Variants in GAB1 observed in about 807,000 individuals in gnomAD.
GAB1 encodes the protein GRB2 associated binding protein 1, also known as GRB2-associated-binding protein 1.
Under a neutral mutation model 66.5 loss-of-function variants are expected in GAB1, and 19 were observed. The observed-to-expected ratio is 0.29, with a 90% CI of 0.20 to 0.42. The LOEUF is 0.42. Ranked by LOEUF, GAB1 falls within the 10% of genes least tolerant of loss-of-function variation. The pLI is 1.00. For synonymous variants in GAB1, 294 were observed against 301.4 expected (o/e 0.98, Z 0.25); for missense variants, 732 against 858.5 (o/e 0.85, Z 1.84).
chr4:143,469,461 G>A lies in GAB1; in HGVS notation c.*272G>A, dbSNP rs1189611358. On this transcript the variant is annotated 3_prime_UTR_variant, in exon 10 of 10. Coordinates refer to ENST00000262994, the MANE Select transcript of GAB1 (RefSeq NM_002039.4). ...CAGTTAACACACTCGTAGTATTACT[G>A]TATTTATGCACTTTTTCATCTAAAA... is the stretch of plus-strand genomic sequence containing the variant. 6.4e-6 allele frequency: 2 copies of A among 312,058 alleles called. No homozygotes were observed. The highest frequency in any genetic ancestry group is 6.1e-6 in the Non-Finnish European group (1 of 163,300). 19.3% of individuals were successfully genotyped at this position (312,058 alleles called of 1,614,324 possible).
intron 6 of GAB1, among the ~76,000 whole-genome samples, chr4:143,441,199 G>T (rs953390041): frequency 6.6e-6 from 1 of 152,146 alleles, no homozygotes; most frequent in Non-Finnish European, 1.5e-5. Flanking sequence ...GCCTACCCAG[G>T]TTTTTTAAAT....
intron 1 of GAB1, among the ~76,000 whole-genome samples, chr4:143,374,013 G>GT (rs1057381750): frequency 8.6e-5 from 13 of 151,520 alleles, no homozygotes; most frequent in African/African-American, 2.9e-4. Context: ...ACTACAGTGG[G>GT]TTTTTTGTCA....
intron 1 of GAB1, among the ~76,000 whole-genome samples, chr4:143,344,663 A>T (rs1728933879): frequency 6.6e-6 from 1 of 152,190 alleles, no homozygotes; most frequent in African/African-American, 2.4e-5. Flanking sequence ...TAAATTGTAG[A>T]TGACAATTTA....
chr4:143,417,875 A>G (rs1732781500), intron 2 of GAB1, among the ~76,000 whole-genome samples: 1 of 152,226 alleles, frequency 6.6e-6, no homozygotes, highest in Non-Finnish European at 1.5e-5. Flanking sequence ...TTGTGGTTAT[A>G]CTCACATTTA....
At chr4:143,386,992 A>T (rs1218872393) in intron 1 of GAB1, among the ~76,000 whole-genome samples, 1 of 152,204 alleles carries the variant, frequency 6.6e-6, no homozygotes, top group Non-Finnish European at 1.5e-5. Context: ...AGCAACTGGT[A>T]GTCTCTGCCA....
chr4:143,363,622 G>A (rs936417430), intron 1 of GAB1, among the ~76,000 whole-genome samples: 2 of 152,122 alleles, frequency 1.3e-5, no homozygotes, highest in Non-Finnish European at 2.9e-5. Context: ...AGTTATGCTC[G>A]CCTCTGTAGT....
chr4:143,412,761 CAT>C (rs780389063), intron 1 of GAB1, among the ~76,000 whole-genome samples: 108 of 152,128 alleles, frequency 7.1e-4, no homozygotes, highest in Non-Finnish European at 1.3e-3. Context: ...TAGGGGAAAA[CAT>C]GTGCAAAGTC....
At chr4:143,460,698 AG>A (rs1346767788) in intron 8 of GAB1, among the ~76,000 whole-genome samples, 1 of 152,140 alleles carries the variant, frequency 6.6e-6, no homozygotes, top group East Asian at 1.9e-4. Flanking sequence ...AAAAAAAAAA[AG>A]TTGCCTGGCA....
In GAB1 at chr4:143,435,684, A is replaced by G. The variant is rs72721091; in HGVS notation, c.593+1968A>G. On this transcript the variant is annotated intron_variant, in intron 3 of 9. Coordinates refer to ENST00000262994, the MANE Select transcript of GAB1 (RefSeq NM_002039.4). Reference sequence around the variant, plus strand: ...TAGGTGCTATGAAGGTACAAACTATATAAGATATAGTCTACTCAGATATAG... The same window carrying G: ...TAGGTGCTATGAAGGTACAAACTATGTAAGATATAGTCTACTCAGATATAG... 5.7e-3 allele frequency among the ~76,000 whole-genome samples: 875 copies of G among 152,366 alleles called. 5 individuals are homozygous for G. The highest frequency in any genetic ancestry group is 8.2e-3 in the Non-Finnish European group (558 of 68,024).
At chr4:143,372,662 T>C (rs1730182772) in intron 1 of GAB1, among the ~76,000 whole-genome samples, 1 of 152,220 alleles carries the variant, frequency 6.6e-6, no homozygotes, top group Non-Finnish European at 1.5e-5. Context: ...AGAGAGGTCA[T>C]GTTTGCTTTC....
At chr4:143,357,822 C>T in intron 1 of GAB1, among the ~76,000 whole-genome samples, 1 of 151,764 alleles carries the variant, frequency 6.6e-6, no homozygotes, top group African/African-American at 2.4e-5. Flanking sequence ...TTTTTCCTTT[C>T]CTTTATCTCT....
intron 1 of GAB1, among the ~76,000 whole-genome samples, chr4:143,347,359 G>A (rs1729021951): frequency 6.6e-6 from 1 of 152,116 alleles, no homozygotes; most frequent in Non-Finnish European, 1.5e-5. Flanking sequence ...TACTTTCTAT[G>A]ATTTGCATTA....
chr4:143,426,002 AT>A, intron 2 of GAB1: 1 of 647,136 alleles, frequency 1.5e-6, no homozygotes, highest in South Asian at 1.9e-5. Flanking sequence ...AATTTTAAAA[AT>A]TACAAAAAAA....
intron 1 of GAB1, among the ~76,000 whole-genome samples, chr4:143,366,573 G>T (rs1457728516): frequency 6.6e-6 from 1 of 151,832 alleles, no homozygotes; most frequent in Non-Finnish European, 1.5e-5. Flanking sequence ...TCTATATTAG[G>T]TATTCCCTCA....
Position 143,438,371 on chromosome 4 carries a change from A to G in GAB1, c.966A>G (p.Thr322=). Residue 322 remains threonine (T), a synonymous_variant, in exon 4 of 10, where the codon ACA becomes ACG. Transcript: ENST00000262994. ...TPGNTYQIPR[T]FPEGTLGQTS... ...GTAATACTTATCAGATTCCACGAAC[A>G]TTTCCAGAAGGAACCTTGGGACAGA... The G allele has an allele frequency of 2.5e-6, 4 of 1,614,060 alleles. No homozygotes were observed. Among genetic ancestry groups the G allele is most frequent in the Non-Finnish European group, 3.4e-6 (4 of 1,179,984 alleles).
intron 8 of GAB1, 87 bp from the exon 9 acceptor site, chr4:143,466,016 A>C: frequency 6.9e-7 from 1 of 1,444,886 alleles, no homozygotes; most frequent in Admixed American, 2.1e-5. Context: ...TTGAAAGCAA[A>C]TATTTAGGCT....
Position 143,347,142 on chromosome 4 carries a change from A to G in GAB1, c.72+9882A>G, listed in dbSNP as rs553204703. ...TCTTCGGTGTTTGTAATAGGATATT[A>G]ATTTCCAGAGGACAGAGATGGCATT... is the stretch of plus-strand genomic sequence containing the variant. On this transcript the variant is annotated intron_variant, in intron 1 of 9. Transcript: ENST00000262994. Among the ~76,000 whole-genome samples, 8 of 152,348 alleles carry G rather than the reference A, an allele frequency of 5.3e-5. 1 individual carries two copies. In the South Asian group the frequency reaches 1.7e-3, roughly 32 times the overall value.
intron 1 of GAB1, among the ~76,000 whole-genome samples, chr4:143,366,502 G>C (rs1729885809): frequency 6.6e-6 from 1 of 152,090 alleles, no homozygotes; most frequent in Admixed American, 6.5e-5. Context: ...ATATATATGG[G>C]TGTTGGGATT....
chr4:143,393,245 A>ATT (rs1394482928), intron 1 of GAB1, among the ~76,000 whole-genome samples: 1 of 150,206 alleles, frequency 6.7e-6, no homozygotes, highest in African/African-American at 2.4e-5. Flanking sequence ...AAAAAAAAAG[A>ATT]AAAAAAAAGA....
Sources: gnomAD v4.1 joint callset for allele counts (sites outside exome capture counted in the v4.1 genomes callset) on GRCh38, gnomAD v4.1.1 for gene constraint, MANE v1.5 for transcripts, NCBI Gene and HGNC (gene_info 2026-07-23, HGNC 2026-07-21) for gene names.